KIF6: variants seen among roughly 807,000 people sequenced by gnomAD.
KIF6 encodes the protein kinesin family member 6.
In KIF6, 106 loss-of-function variants were observed where a neutral mutation model predicts 112.7. The observed-to-expected ratio is 0.94, with a 90% confidence interval of 0.80 to 1.11. The LOEUF (loss-of-function observed/expected upper bound fraction) is 1.11. Ranked by LOEUF, KIF6 falls within the 50% of genes least tolerant of loss-of-function variation. The probability of loss-of-function intolerance (pLI) is 0.00; values close to 1 mark genes in which losing one functional copy is unlikely to be tolerated. For synonymous variants in KIF6, 339 were observed against 339.9 expected (o/e 1.00, Z 0.03); for missense variants, 929 against 964.0 (o/e 0.96, Z 0.48).
At chr6:39,346,445 GCTGT>G in intron 20 of KIF6, 27 bp downstream of exon 20, 1 of 717,072 alleles carries the variant, frequency 1.4e-6, no homozygotes, top group Non-Finnish European at 2.6e-6. Flanking sequence ...CGAGAAGACA[GCTGT>G]CTATGAACCG....
intron 3 of KIF6, among the ~76,000 whole-genome samples, chr6:39,670,558 G>A (rs1167664872): frequency 6.6e-6 from 1 of 152,214 alleles, no homozygotes; most frequent in Non-Finnish European, 1.5e-5. Context: ...TGAGTAGGGT[G>A]AGGAGAAAGA....
intron 13 of KIF6, among the ~76,000 whole-genome samples, chr6:39,490,663 C>T (rs183105776): frequency 6.6e-6 from 1 of 152,148 alleles, no homozygotes; most frequent in Non-Finnish European, 1.5e-5. Flanking sequence ...CAGAGCACAC[C>T]CTAGGATTAA....
Position 39,596,185 on chromosome 6 carries a change from C to T in KIF6, c.715G>A (p.Ala239Thr). 6.2e-7 allele frequency: 1 copy of T among 1,614,082 alleles called. No individual in the cohort carries two copies. Among genetic ancestry groups the T allele is most frequent in the Non-Finnish European group, 8.5e-7 (1 of 1,179,986 alleles). Residue 239 changes from alanine to threonine, a missense_variant, in exon 7 of 23, where the codon GCA becomes ACA. By Grantham distance (58) the Ala-to-Thr change is moderately conservative. Coordinates refer to ENST00000287152, the MANE Select transcript of KIF6 (RefSeq NM_145027.6). The stretch of plus-strand genomic sequence containing the variant: ...TGGAGTTTGGCATGTCGTACAGTTG[C>T]AGATCCTGGTTCCTTGCTTGACAAA... ...IHLSSKEPGSATVRHAKLHLV... is the reference protein window; with the variant it reads ...IHLSSKEPGSTTVRHAKLHLV...
At chr6:39,457,769 A>G (rs922779145) in intron 13 of KIF6, among the ~76,000 whole-genome samples, 5 of 152,186 alleles carry the variant, frequency 3.3e-5, no homozygotes, top group East Asian at 1.9e-4. Context: ...TAGAAAATCT[A>G]GAAGAAATGG....
At chr6:39,431,828 G>A (rs1303609148) in intron 13 of KIF6, among the ~76,000 whole-genome samples, 4 of 152,066 alleles carry the variant, frequency 2.6e-5, no homozygotes, top group African/African-American at 9.7e-5. Flanking sequence ...TGGGACCCAC[G>A]GTCAGTACAG....
intron 7 of KIF6, among the ~76,000 whole-genome samples, chr6:39,589,036 C>T (rs1299973802): frequency 6.6e-6 from 1 of 152,208 alleles, no homozygotes; most frequent in African/African-American, 2.4e-5. Context: ...CCTGTGTGGT[C>T]CATCCCTGTT....
At chr6:39,484,405 C>T (rs930922068) in intron 13 of KIF6, among the ~76,000 whole-genome samples, 6 of 151,956 alleles carry the variant, frequency 3.9e-5, no homozygotes, top group East Asian at 1.9e-4. Context: ...GTCATAAAAG[C>T]GACACAAGCA....
At chr6:39,611,132 C>T (rs1162470122) in intron 6 of KIF6, among the ~76,000 whole-genome samples, 1 of 152,046 alleles carries the variant, frequency 6.6e-6, no homozygotes, top group Non-Finnish European at 1.5e-5. Flanking sequence ...ATGGCGAAAC[C>T]CTGTCTCTAC....
chr6:39,514,213 G>C (rs1295167604), intron 13 of KIF6, among the ~76,000 whole-genome samples: 1 of 152,156 alleles, frequency 6.6e-6, no homozygotes, highest in African/African-American at 2.4e-5. Context: ...ATCTTCCCCT[G>C]ACAGTGACAT....
chr6:39,508,932 C>T (rs879144528), intron 13 of KIF6, among the ~76,000 whole-genome samples: 1 of 152,156 alleles, frequency 6.6e-6, no homozygotes, highest in Non-Finnish European at 1.5e-5. Flanking sequence ...CAAGTGGGTC[C>T]CTGACCCCTG....
chr6:39,612,267 C>T (rs1367919569), intron 6 of KIF6, among the ~76,000 whole-genome samples: 2 of 152,206 alleles, frequency 1.3e-5, no homozygotes, highest in East Asian at 3.9e-4. Flanking sequence ...CTTACTATGC[C>T]TACCTAATAC....
chr6:39,543,040 A>T (rs1403312262), intron 12 of KIF6, among the ~76,000 whole-genome samples: 1 of 152,168 alleles, frequency 6.6e-6, no homozygotes. Flanking sequence ...GAAGGAGGGG[A>T]GGTGATGGAT....
intron 6 of KIF6, among the ~76,000 whole-genome samples, chr6:39,604,389 T>A (rs1323071091): frequency 6.6e-6 from 1 of 152,178 alleles, no homozygotes; most frequent in Admixed American, 6.6e-5. Flanking sequence ...TGACCAAACC[T>A]AGTGGTTTAG....
intron 3 of KIF6, among the ~76,000 whole-genome samples, chr6:39,704,297 C>T (rs757597958): frequency 1.3e-5 from 2 of 152,148 alleles, no homozygotes; most frequent in Non-Finnish European, 2.9e-5. Flanking sequence ...GTAGATATTA[C>T]AGTATCATTT....
chr6:39,416,566 G>A lies in KIF6; in HGVS notation c.1810+3382C>T, dbSNP rs552107601. Among the ~76,000 whole-genome samples the A allele has an allele frequency of 6.6e-5, 10 of 152,244 alleles. No individual in the cohort carries two copies. The East Asian group carries it at 7.7e-4, about 12-fold the overall frequency. On this transcript the variant is annotated intron_variant, in intron 15 of 22. Transcript: ENST00000287152. ...CAACATCAGGATTGATGTAAATGGC[G>A]TCTAGAGAAAGACAAAAAGGAGTTT...
intron 10 of KIF6, among the ~76,000 whole-genome samples, chr6:39,575,932 C>T (rs7764246): frequency 0.16 from 23,920 of 152,124 alleles, 2,142 homozygotes; most frequent in Middle Eastern, 0.27. Flanking sequence ...ATCAAGAAGT[C>T]GGCTTCCTGT....
chr6:39,628,036 T>C (rs1401349817), intron 5 of KIF6, among the ~76,000 whole-genome samples: 1 of 152,168 alleles, frequency 6.6e-6, no homozygotes, highest in East Asian at 1.9e-4. Context: ...ATATAGCCAA[T>C]TACTTTTTAA....
chr6:39,500,403 T>G (rs1776055637), intron 13 of KIF6, among the ~76,000 whole-genome samples: 1 of 152,108 alleles, frequency 6.6e-6, no homozygotes, highest in South Asian at 2.1e-4. Context: ...GGAAGGAATC[T>G]GAAATTAGGT....
At chr6:39,437,912 T>A (rs894430567) in intron 13 of KIF6, among the ~76,000 whole-genome samples, 2 of 152,204 alleles carry the variant, frequency 1.3e-5, no homozygotes, top group African/African-American at 4.8e-5. Flanking sequence ...ATACGGTACA[T>A]AATACTTGAT....
Sources: gnomAD v4.1 joint callset for allele counts (sites outside exome capture counted in the v4.1 genomes callset) on GRCh38, gnomAD v4.1.1 for gene constraint, MANE v1.5 for transcripts, NCBI Gene and HGNC (gene_info 2026-07-23, HGNC 2026-07-21) for gene names.